Variants in KDM4C observed in about 807,000 individuals in gnomAD.
The protein encoded by KDM4C is lysine-specific demethylase 4C.
KDM4C carries 81 observed loss-of-function variants against 129.3 expected under a neutral mutation model. The ratio of observed to expected loss-of-function variants is 0.63; its 90% confidence interval spans 0.52 to 0.75. KDM4C has a LOEUF of 0.75. KDM4C is among the 30% of genes least tolerant of loss of function. The pLI, the probability that KDM4C is intolerant of heterozygous loss-of-function variation, is 0.00. For synonymous variants in KDM4C, 573 were observed against 456.1 expected (o/e 1.26, Z -3.26); for missense variants, 1,457 against 1,304.0 (o/e 1.12, Z -1.81).
intron 4 of KDM4C, among the ~76,000 whole-genome samples, chr9:6,833,081 G>A (rs978016489): frequency 6.6e-6 from 1 of 151,894 alleles, no homozygotes; most frequent in African/African-American, 2.4e-5. Context: ...CATATGTAAA[G>A]GTACCTTGAT....
Position 6,742,481 on chromosome 9 carries a change from G to C in KDM4C, c.49+21484G>C, listed in dbSNP as rs149973032. On this transcript the variant is annotated intron_variant, in intron 1 of 17. Coordinates refer to the KDM4C transcript ENST00000536108. ...AGACTCTCTGGGTTTTTTCTGTTAA[G>C]GTTCTGCTGGCCTTCGTGAGTATCA... 3.2e-3 allele frequency among the ~76,000 whole-genome samples: 482 copies of C among 151,948 alleles called. 2 individuals are homozygous for C. The highest frequency in any genetic ancestry group is 0.011 in the African/African-American group (463 of 41,456).
At chr9:7,077,844 T>C (rs1834097597) in intron 17 of KDM4C, among the ~76,000 whole-genome samples, 1 of 152,228 alleles carries the variant, frequency 6.6e-6, no homozygotes, top group Non-Finnish European at 1.5e-5. Context: ...TGTCAAATAA[T>C]GGCATGTCTG....
At chr9:6,816,577 T>C (rs2131165940) in intron 4 of KDM4C, among the ~76,000 whole-genome samples, 1 of 152,242 alleles carries the variant, frequency 6.6e-6, no homozygotes, top group East Asian at 1.9e-4. Flanking sequence ...TACCTTCTTA[T>C]ATACCTTATA....
chr9:7,001,629 G>A (rs1820735309), intron 12 of KDM4C, among the ~76,000 whole-genome samples: 1 of 152,138 alleles, frequency 6.6e-6, no homozygotes, highest in South Asian at 2.1e-4. Context: ...TCTCTCCCTA[G>A]CAGCTGTTTT....
chr9:7,087,132 A>G (rs949086842), intron 17 of KDM4C, among the ~76,000 whole-genome samples: 3 of 151,844 alleles, frequency 2.0e-5, no homozygotes, highest in Non-Finnish European at 4.4e-5. Flanking sequence ...GGAGTACCCA[A>G]ATGATGTCAG....
intron 12 of KDM4C, among the ~76,000 whole-genome samples, chr9:6,998,735 G>A (rs994705151): frequency 6.6e-6 from 1 of 152,308 alleles, no homozygotes. Context: ...GGTGGAGGCT[G>A]CAGTGCGCTG....
chr9:6,925,545 C>T (rs1822331201), intron 8 of KDM4C: 1 of 956,110 alleles, frequency 1.0e-6, no homozygotes, highest in Non-Finnish European at 1.2e-6. Context: ...GTCCTCCCAC[C>T]TTGGCCTCCC....
At chr9:6,794,743 T>TA (rs199997608) in intron 2 of KDM4C, among the ~76,000 whole-genome samples, 36 of 151,074 alleles carry the variant, frequency 2.4e-4, no homozygotes, top group African/African-American at 6.3e-4. Context: ...ATAATATTCT[T>TA]AAAAAAAAAT....
intron 11 of KDM4C, among the ~76,000 whole-genome samples, chr9:6,987,105 A>G (rs1367610234): frequency 6.6e-6 from 1 of 152,156 alleles, no homozygotes; most frequent in African/African-American, 2.4e-5. Context: ...CCTGCAGAAG[A>G]ATTCATCTGC....
chr9:6,831,303 T>A (rs1834775961), intron 4 of KDM4C, among the ~76,000 whole-genome samples: 1 of 152,166 alleles, frequency 6.6e-6, no homozygotes, highest in Non-Finnish European at 1.5e-5. Context: ...GTTGGTTCCA[T>A]GATGTCATTA....
chr9:6,965,250 A>C (rs190989076), intron 8 of KDM4C, among the ~76,000 whole-genome samples: 3 of 151,712 alleles, frequency 2.0e-5, no homozygotes, highest in Non-Finnish European at 2.9e-5. Flanking sequence ...AGAAAAAAAA[A>C]GTCTAAAACC....
At chr9:6,929,872 C>T (rs756475800) in intron 8 of KDM4C, among the ~76,000 whole-genome samples, 15 of 152,118 alleles carry the variant, frequency 9.9e-5, no homozygotes, top group Non-Finnish European at 1.9e-4. Context: ...TCAAAATAGA[C>T]GATTTCTACA....
intron 4 of KDM4C, among the ~76,000 whole-genome samples, chr9:6,839,202 C>G (rs572000812): frequency 2.0e-5 from 3 of 152,158 alleles, no homozygotes; most frequent in Non-Finnish European, 2.9e-5. Flanking sequence ...CGGGATGATA[C>G]AAGTCAAATG....
chr9:6,793,594 C>T (rs987938202), intron 2 of KDM4C, among the ~76,000 whole-genome samples: 8 of 149,636 alleles, frequency 5.3e-5, no homozygotes, highest in African/African-American at 9.8e-5. Context: ...GGCTGGAGTG[C>T]AATGGCGTGA....
intron 15 of KDM4C, among the ~76,000 whole-genome samples, chr9:7,041,244 T>G (rs1027997576): frequency 2.6e-5 from 4 of 152,072 alleles, no homozygotes; most frequent in African/African-American, 7.2e-5. Context: ...ACAATTTACA[T>G]ATCTTTTACA....
At position 7,045,680 on chromosome 9, in the gene KDM4C, GTA is replaced by G. The variant is rs541479057; in HGVS notation, c.2260-1180_2260-1179del. Among the ~76,000 whole-genome samples, 436 of 152,076 alleles carry G rather than the reference GTA, an allele frequency of 2.9e-3. 3 individuals carry two copies. Among genetic ancestry groups the G allele is most frequent in the African/African-American group, 9.2e-3 (381 of 41,504 alleles). The stretch of plus-strand genomic sequence containing the variant: ...ATGGATTCAAATCAATATACACAGT[GTA>G]TCTTTTACTACTCTGAATCCAGGAA... On this transcript the variant is annotated intron_variant, in intron 15 of 21. Coordinates refer to ENST00000381309, the MANE Select transcript of KDM4C (RefSeq NM_015061.6).
At chr9:7,042,520 A>G (rs939234675) in intron 15 of KDM4C, among the ~76,000 whole-genome samples, 2 of 152,048 alleles carry the variant, frequency 1.3e-5, no homozygotes, top group African/African-American at 4.8e-5. Flanking sequence ...GGGTAACACA[A>G]TTTTTTATGA....
At chr9:6,731,194 C>A (rs568308160) in intron 1 of KDM4C, among the ~76,000 whole-genome samples, 3 of 152,036 alleles carry the variant, frequency 2.0e-5, no homozygotes, top group South Asian at 2.1e-4. Flanking sequence ...GTAGAGGGTA[C>A]CTTCTTATAC....
rs150022580 is a variant in KDM4C, at chr9:6,776,755, C to T, written c.-17-16217C>T. 2.8e-3 allele frequency among the ~76,000 whole-genome samples: 427 copies of T among 152,024 alleles called. 3 individuals are homozygous for T. The highest frequency in any genetic ancestry group is 4.5e-3 in the Non-Finnish European group (309 of 67,972). On this transcript the variant is annotated intron_variant, in intron 1 of 21. Transcript: ENST00000381309. ...TGGCTGGGATTATAGGCACATACCA[C>T]CACGCCCGGGTAATTTTTGTGTTAT...
Sources: allele counts gnomAD v4.1 joint callset (sites outside exome capture counted in the v4.1 genomes callset), GRCh38; gene constraint gnomAD v4.1.1; transcripts MANE v1.5; gene names NCBI Gene and HGNC (gene_info 2026-07-23, HGNC 2026-07-21).